The following CRYM variants were observed in gnomAD, a reference collection of about 807,000 sequenced individuals.
CRYM encodes the protein ketimine reductase mu-crystallin.
A neutral mutation model predicts 32.9 loss-of-function variants in CRYM; 18 were observed. That is an observed-to-expected ratio of 0.55 (90% CI 0.38 to 0.81). The LOEUF is 0.81. Among genes scored for constraint, CRYM ranks in the 30% least tolerant of loss-of-function variants. The pLI is 0.00. For missense variants in CRYM, 337 were observed against 393.5 expected, an observed-to-expected ratio of 0.86 and a Z score of 1.21; for synonymous variants, 153 against 152.4, an observed-to-expected ratio of 1.00 and a Z score of -0.03.
intron 5 of CRYM, among the ~76,000 whole-genome samples, chr16:21,267,023 C>A (rs183441): frequency 0.017 from 2,546 of 151,850 alleles, 55 homozygotes; most frequent in African/African-American, 0.058. Flanking sequence ...AGAAAAAAAA[C>A]TTACATTTTA....
At chr16:21,290,394 C>T (rs1358982521) in intron 1 of CRYM, among the ~76,000 whole-genome samples, 2 of 152,064 alleles carry the variant, frequency 1.3e-5, no homozygotes, top group African/African-American at 4.8e-5. Flanking sequence ...CTCCTGAGGT[C>T]AGCAAGACCA....
intron 1 of CRYM, among the ~76,000 whole-genome samples, chr16:21,297,521 T>C (rs889884407): frequency 2.0e-5 from 3 of 152,224 alleles, no homozygotes; most frequent in African/African-American, 7.2e-5. Context: ...AGCTTGTGTG[T>C]AAGAACTAAT....
At chr16:21,262,186 C>T (rs770392477) in intron 5 of CRYM, 28 bp from the exon 6 acceptor site, 1 of 1,613,620 alleles carries the variant, frequency 6.2e-7, no homozygotes, top group Non-Finnish European at 8.5e-7. Context: ...AGACCTTAAG[C>T]CCAGGATTAG....
At chr16:21,261,181 T>C in intron 7 of CRYM, 73 bp downstream of exon 7, 1 of 1,119,534 alleles carries the variant, frequency 8.9e-7, no homozygotes, top group Admixed American at 1.7e-5. Flanking sequence ...GGTGACTCAT[T>C]GCTCTTTCCA....
At chr16:21,291,343 GTATC>G (rs1289792156) in intron 1 of CRYM, among the ~76,000 whole-genome samples, 1 of 152,118 alleles carries the variant, frequency 6.6e-6, no homozygotes, top group Non-Finnish European at 1.5e-5. Flanking sequence ...CAGAAAGTGA[GTATC>G]TGAGGCTCTA....
chr16:21,296,731 C>T (rs1960795648), intron 1 of CRYM, among the ~76,000 whole-genome samples: 2 of 152,258 alleles, frequency 1.3e-5, no homozygotes, highest in Admixed American at 6.5e-5. Context: ...AAGATACTCA[C>T]TGAGGCCGGG....
chr16:21,275,419 G>A (rs144786666), intron 3 of CRYM, 113 bp downstream of exon 3: 2 of 863,696 alleles, frequency 2.3e-6, no homozygotes, highest in African/African-American at 3.3e-5. Context: ...TTCCAGCTAT[G>A]TCCAACAGGA....
intron 5 of CRYM, among the ~76,000 whole-genome samples, chr16:21,266,726 C>A (rs753969207): frequency 6.6e-6 from 1 of 152,108 alleles, no homozygotes; most frequent in Non-Finnish European, 1.5e-5. Context: ...TATGGTCAGG[C>A]GTAGTGGCTC....
intron 1 of CRYM, among the ~76,000 whole-genome samples, chr16:21,300,209 T>C (rs1009096421): frequency 6.6e-6 from 1 of 152,188 alleles, no homozygotes; most frequent in Non-Finnish European, 1.5e-5. Flanking sequence ...ACTTTCTCAA[T>C]TCTCTGTTCT....
chr16:21,260,414 C>T (rs1597612306), intron 7 of CRYM, among the ~76,000 whole-genome samples: 1 of 152,148 alleles, frequency 6.6e-6, no homozygotes, highest in East Asian at 1.9e-4. Context: ...ATTCTCCTGC[C>T]TCAACCTCCC....
intron 5 of CRYM, 132 bp from the exon 6 acceptor site, chr16:21,262,290 G>A: frequency 9.0e-7 from 1 of 1,105,520 alleles, no homozygotes; most frequent in South Asian, 1.3e-5. Context: ...TCATTCCCCA[G>A]GCCATGCTCT....
At chr16:21,291,337 AAGTG>A (rs1289302239) in intron 1 of CRYM, among the ~76,000 whole-genome samples, 5 of 152,188 alleles carry the variant, frequency 3.3e-5, no homozygotes, top group Non-Finnish European at 5.9e-5. Flanking sequence ...ACAGTACAGA[AAGTG>A]AGTATCTGAG....
Position 21,277,353 on chromosome 16 carries a change from C to T in CRYM, c.324+78G>A. 5 of 1,513,558 alleles carry T rather than the reference C, an allele frequency of 3.3e-6. No individual in the cohort carries two copies. The highest frequency in any genetic ancestry group is 4.5e-6 in the Non-Finnish European group (5 of 1,105,546). 93.8% of individuals were successfully genotyped at this position (1,513,558 alleles called of 1,614,324 possible). On this transcript the variant is annotated intron_variant, in intron 2 of 7. Coordinates refer to ENST00000572914, the MANE Select transcript of CRYM (RefSeq NM_001376256.1). This position sits in a 1 kb window ranked among gnomAD's most constrained non-coding sequence, Gnocchi z 4.2. ...CGCGTAGTCACAATCAAGACTCCCC[C>T]TGCTGCGGAGAACTTACTTTTGAGC...
At chr16:21,262,241 C>A in intron 5 of CRYM, 83 bp from the exon 6 acceptor site, 2 of 1,576,296 alleles carry the variant, frequency 1.3e-6, no homozygotes. Context: ...GAGAGGTGAA[C>A]AAAGGACTCG....
At chr16:21,269,766 T>TTCCCCCCCC in intron 4 of CRYM, 24 bp downstream of exon 4, 3 of 690,472 alleles carry the variant, frequency 4.3e-6, no homozygotes, top group Admixed American at 2.0e-5. Flanking sequence ...CCCTCTTCTC[T>TTCCCCCCCC]CCCACCCCCA....
Position 21,267,680 on chromosome 16 carries a change from C to G in CRYM, c.547G>C (p.Gly183Arg), listed in dbSNP as rs970527156. The G allele has an allele frequency of 3.1e-6, 5 of 1,614,254 alleles. No individual in the cohort carries two copies. Among genetic ancestry groups the G allele is most frequent in the Non-Finnish European group, 4.2e-6 (5 of 1,180,032 alleles). ...NAEKFADTVQ[G>R]EVRVCSSVQE... ...ACCGAAGAACAGACCCGTACCTCTC[C>G]TTGCACTGTGTCTGCAAACTTCTCT... The change falls in exon 5 of 8, where the codon GGA becomes CGA. Residue 183 changes from glycine to arginine, a missense_variant. Gly to Arg is a moderately radical substitution (Grantham distance 125). Transcript: ENST00000572914.
At position 21,275,614 on chromosome 16, in the gene CRYM, AG is replaced by A; in HGVS notation, c.325-21del. ...CATGACCTTGGAGGAAAAGAGAGAC[AG>A]TGAGCAAGGGGAACCCCTGTCCACT... On this transcript the variant is annotated intron_variant, in intron 2 of 7. Transcript: ENST00000572914. 1.2e-6 allele frequency: 2 copies of A among 1,604,450 alleles called. No individual in the cohort carries two copies. Among genetic ancestry groups the A allele is most frequent in the South Asian group, 2.2e-5 (2 of 90,882 alleles).
At chr16:21,290,067 G>A (rs937513600) in intron 1 of CRYM, among the ~76,000 whole-genome samples, 1 of 150,444 alleles carries the variant, frequency 6.6e-6, no homozygotes, top group Non-Finnish European at 1.5e-5. Flanking sequence ...ACCAATCAGT[G>A]TTCTGTAAAA....
intron 1 of CRYM, among the ~76,000 whole-genome samples, chr16:21,299,137 C>A (rs1960846725): frequency 6.6e-6 from 1 of 151,966 alleles, no homozygotes; most frequent in African/African-American, 2.4e-5. Context: ...TATGATTAAT[C>A]CTTATTGTTA....
Sources: gnomAD v4.1 joint callset for allele counts (sites outside exome capture counted in the v4.1 genomes callset) on GRCh38, gnomAD v4.1.1 for gene constraint, Gnocchi (gnomAD v3.1) non-coding constraint, MANE v1.5 for transcripts, NCBI Gene and HGNC (gene_info 2026-07-23, HGNC 2026-07-21) for gene names.